AKR1C3: variants seen among roughly 807,000 people sequenced by gnomAD.
The protein encoded by AKR1C3 is aldo-keto reductase family 1 member C3.
AKR1C3 carries 48 observed loss-of-function variants against 43.6 expected under a neutral mutation model. That is an observed-to-expected ratio of 1.10 (90% CI 0.87 to 1.40). The LOEUF is 1.40. Ranked by LOEUF, AKR1C3 falls within the 40% of genes most tolerant of loss-of-function variation. AKR1C3 has a pLI of 0.00. For missense variants in AKR1C3, 482 were observed against 391.2 expected, an observed-to-expected ratio of 1.23 and a Z score of -1.96; for synonymous variants, 162 against 139.6, an observed-to-expected ratio of 1.16 and a Z score of -1.13.
intron 1 of AKR1C3, among the ~76,000 whole-genome samples, chr10:5,071,387 A>C (rs1315714427): frequency 6.6e-6 from 1 of 152,170 alleles, no homozygotes; most frequent in Non-Finnish European, 1.5e-5. Flanking sequence ...TGAGAGTAAA[A>C]TCCAAAGAGC....
chr10:5,067,184 A>T (rs1838524285), intron 1 of AKR1C3, among the ~76,000 whole-genome samples: 1 of 152,246 alleles, frequency 6.6e-6, no homozygotes, highest in Admixed American at 6.5e-5. Flanking sequence ...CTTAAACAAA[A>T]GTACACCCCA....
intron 1 of AKR1C3, among the ~76,000 whole-genome samples, chr10:5,060,993 C>T (rs1036696316): frequency 4.7e-4 from 71 of 152,222 alleles, no homozygotes; most frequent in Admixed American, 3.3e-3. Flanking sequence ...ACAAGCGTGG[C>T]GCACAGCCCC....
chr10:5,053,898 C>G (rs1318094692), intron 1 of AKR1C3, among the ~76,000 whole-genome samples: 1 of 152,116 alleles, frequency 6.6e-6, no homozygotes, highest in Non-Finnish European at 1.5e-5. Context: ...GCTTGATGGC[C>G]TTGATTCTAG....
intron 1 of AKR1C3, among the ~76,000 whole-genome samples, chr10:5,056,584 C>T (rs1390274575): frequency 6.6e-6 from 1 of 152,100 alleles, no homozygotes; most frequent in Non-Finnish European, 1.5e-5. Flanking sequence ...AGGGATATTG[C>T]CTTTGATAAG....
intron 1 of AKR1C3, among the ~76,000 whole-genome samples, chr10:5,077,275 G>A (rs968673411): frequency 3.3e-5 from 5 of 152,102 alleles, no homozygotes; most frequent in Admixed American, 2.6e-4. Context: ...AGAGAGAAGA[G>A]GGTCTGTATG....
At position 5,096,394 on chromosome 10, in the gene AKR1C3, T is replaced by G. The variant is rs782714288; in HGVS notation, c.85-16T>G. Reference sequence around the variant, plus strand: ...CCACAGTGATCACCAGATACTACCTTTGGTTGCTCCTCCAGGTTCCGAGAA... The same window carrying G: ...CCACAGTGATCACCAGATACTACCTGTGGTTGCTCCTCCAGGTTCCGAGAA... On this transcript the variant is annotated splice_polypyrimidine_tract_variant and intron_variant, in intron 1 of 8. Transcript: ENST00000380554. 2.1e-5 allele frequency: 34 copies of G among 1,610,934 alleles called. No homozygotes were observed. In the East Asian group the frequency reaches 6.9e-4, roughly 33 times the overall value.
intron 1 of AKR1C3, among the ~76,000 whole-genome samples, chr10:5,095,599 A>G (rs1170115582): frequency 6.6e-6 from 1 of 152,088 alleles, no homozygotes; most frequent in Non-Finnish European, 1.5e-5. Context: ...AAAACAGTTT[A>G]TTTATATTTT....
chr10:5,089,127 G>A (rs559033375), intron 1 of AKR1C3, among the ~76,000 whole-genome samples: 39 of 152,018 alleles, frequency 2.6e-4, no homozygotes, highest in Middle Eastern at 3.4e-3. Flanking sequence ...AGTATAATAG[G>A]ATTTTCTTTA....
chr10:5,079,266 G>A (rs1838779365), intron 1 of AKR1C3, among the ~76,000 whole-genome samples: 1 of 152,128 alleles, frequency 6.6e-6, no homozygotes, highest in Non-Finnish European at 1.5e-5. Context: ...TGCACTCTTA[G>A]CTTTTAAGAC....
At chr10:5,062,615 C>T (rs1397553971) in intron 1 of AKR1C3, among the ~76,000 whole-genome samples, 5 of 152,152 alleles carry the variant, frequency 3.3e-5, no homozygotes, top group Non-Finnish European at 7.3e-5. Context: ...AATTATTTCA[C>T]ATCTCATAAA....
At chr10:5,053,982 A>T (rs915804024) in intron 1 of AKR1C3, among the ~76,000 whole-genome samples, 2 of 152,214 alleles carry the variant, frequency 1.3e-5, no homozygotes, top group African/African-American at 4.8e-5. Flanking sequence ...CTGCCACGGG[A>T]CCTAGAAAGG....
chr10:5,064,238 T>C (rs1239463384), intron 1 of AKR1C3, among the ~76,000 whole-genome samples: 1 of 152,314 alleles, frequency 6.6e-6, no homozygotes, highest in Non-Finnish European at 1.5e-5. Context: ...AGCAGGCCCA[T>C]GGACCAAGGG....
intron 5 of AKR1C3, 94 bp from the exon 6 acceptor site, chr10:5,102,007 A>C: frequency 2.5e-6 from 2 of 786,338 alleles, no homozygotes; most frequent in Non-Finnish European, 4.3e-6. Flanking sequence ...ATAATGCTAT[A>C]CTGATTATTA....
chr10:5,056,707 A>C (rs924617281), intron 1 of AKR1C3, among the ~76,000 whole-genome samples: 2 of 152,160 alleles, frequency 1.3e-5, no homozygotes, highest in African/African-American at 2.4e-5. Flanking sequence ...CAAGTAGGGG[A>C]CAACAAATGG....
At chr10:5,053,310 C>T (rs113793757) in intron 1 of AKR1C3, among the ~76,000 whole-genome samples, 152 of 152,344 alleles carry the variant, frequency 1.0e-3, no homozygotes, top group Non-Finnish European at 1.8e-3. Context: ...AGCTAAGGTC[C>T]GGTGAGAAAT....
intron 1 of AKR1C3, among the ~76,000 whole-genome samples, chr10:5,053,761 G>A (rs1838203125): frequency 5.9e-5 from 9 of 152,246 alleles, no homozygotes; most frequent in Admixed American, 5.9e-4. Context: ...AAGGGGCCCT[G>A]CAGTTGTAGT....
intron 4 of AKR1C3, 86 bp downstream of exon 4, chr10:5,098,965 G>A (rs1474484775): frequency 9.0e-7 from 1 of 1,106,162 alleles, no homozygotes. Context: ...AATGGAATAT[G>A]CACCATTAGA....
At chr10:5,085,291 G>A (rs1838937297) in intron 1 of AKR1C3, among the ~76,000 whole-genome samples, 1 of 151,750 alleles carries the variant, frequency 6.6e-6, no homozygotes, top group Admixed American at 6.6e-5. Context: ...ATGAAGCGTT[G>A]TTGAATTTTG....
intron 1 of AKR1C3, among the ~76,000 whole-genome samples, chr10:5,054,176 C>T (rs1838213613): frequency 6.6e-6 from 1 of 152,338 alleles, no homozygotes; most frequent in East Asian, 1.9e-4. Flanking sequence ...GTGAGGAGGT[C>T]TAGGCCTCAG....
Sources: gnomAD v4.1 joint callset for allele counts (sites outside exome capture counted in the v4.1 genomes callset) on GRCh38, gnomAD v4.1.1 for gene constraint, MANE v1.5 for transcripts, NCBI Gene and HGNC (gene_info 2026-07-23, HGNC 2026-07-21) for gene names.